The following AQP7B variants were observed in gnomAD, a reference collection of about 807,000 sequenced individuals.
The protein encoded by AQP7B is aquaporin 7B, also known as putative aquaporin-7B.
chr2:94,604,346 G>T, the AQP7B span: 2 of 1,611,148 alleles, frequency 1.2e-6, no homozygotes, highest in African/African-American at 1.3e-5. Flanking sequence ...TGCCTCTCTA[G>T]GTGGCATCAT....
the AQP7B span, among the ~76,000 whole-genome samples, chr2:94,592,411 A>G: frequency 6.6e-6 from 1 of 152,210 alleles, no homozygotes; most frequent in Non-Finnish European, 1.5e-5. Flanking sequence ...CCAGAGAAAC[A>G]AAACCAGGGA....
chr2:94,603,341 T>C, the AQP7B span: 1 of 1,567,630 alleles, frequency 6.4e-7, no homozygotes, highest in African/African-American at 1.3e-5. Context: ...CCAGTGGGGC[T>C]TAGTTGGGGG....
the AQP7B span, among the ~76,000 whole-genome samples, chr2:94,588,949 C>T: frequency 6.6e-6 from 1 of 151,952 alleles, no homozygotes; most frequent in African/African-American, 2.4e-5. Context: ...TCTCCCTCCT[C>T]CAGCCACACT....
chr2:94,591,169 G>C, the AQP7B span, among the ~76,000 whole-genome samples: 1 of 151,838 alleles, frequency 6.6e-6, no homozygotes, highest in Non-Finnish European at 1.5e-5. Context: ...GTGATTTGCT[G>C]TCCTCCAAAT....
chr2:94,591,117 C>A, the AQP7B span, among the ~76,000 whole-genome samples: 1 of 151,962 alleles, frequency 6.6e-6, no homozygotes, highest in Non-Finnish European at 1.5e-5. Flanking sequence ...GTACCCTCTC[C>A]TTGAGCTCTC....
At chr2:94,603,331 C>T in the AQP7B span, 2 of 1,548,264 alleles carry the variant, frequency 1.3e-6, no homozygotes, top group East Asian at 4.5e-5. Context: ...TTCTGGGACC[C>T]CAGTGGGGCT....
the AQP7B span, among the ~76,000 whole-genome samples, chr2:94,589,320 T>C: frequency 6.6e-6 from 1 of 152,038 alleles, no homozygotes; most frequent in Admixed American, 6.6e-5. Context: ...CACACTGACT[T>C]TCTTTGCTTT....
At chr2:94,589,925 A>G in the AQP7B span, among the ~76,000 whole-genome samples, 1 of 151,824 alleles carries the variant, frequency 6.6e-6, no homozygotes. Flanking sequence ...AAATATCTAG[A>G]ATGTGCACAG....
the AQP7B span, among the ~76,000 whole-genome samples, chr2:94,588,810 C>A: frequency 1.3e-5 from 2 of 151,320 alleles, no homozygotes; most frequent in African/African-American, 4.9e-5. Flanking sequence ...AACTCAACTG[C>A]ACTCAGCACC....
chr2:94,594,692 G>A, the AQP7B span: 12 of 1,254,106 alleles, frequency 9.6e-6, no homozygotes, highest in Non-Finnish European at 1.3e-5. Context: ...CCGATGGGCA[G>A]CAGGCAAACT....
chr2:94,589,494 C>A, the AQP7B span, among the ~76,000 whole-genome samples: 1 of 152,100 alleles, frequency 6.6e-6, no homozygotes. Flanking sequence ...CATCTCCAGC[C>A]CCTGCACTCC....
chr2:94,594,981 T>A, the AQP7B span: 1 of 628,882 alleles, frequency 1.6e-6, no homozygotes, highest in Non-Finnish European at 2.7e-6. Context: ...GCCTCTGAGC[T>A]GGGAGCCTGG....
chr2:94,604,377 C>T, the AQP7B span: 3 of 1,611,548 alleles, frequency 1.9e-6, no homozygotes, highest in Non-Finnish European at 2.5e-6. Context: ...TTCATTGGCT[C>T]CACCATCCCA....
the AQP7B span, chr2:94,603,734 A>G: frequency 3.3e-6 from 5 of 1,511,588 alleles, no homozygotes; most frequent in Admixed American, 1.9e-5. Flanking sequence ...AGGATGCTCC[A>G]GCTGTGTCTC....
the AQP7B span, among the ~76,000 whole-genome samples, chr2:94,602,273 C>A: frequency 2.0e-5 from 3 of 151,860 alleles, no homozygotes; most frequent in African/African-American, 7.3e-5. Context: ...CTGCTCCACC[C>A]GGCTCTCAGT....
the AQP7B span, among the ~76,000 whole-genome samples, chr2:94,590,536 T>G: frequency 6.6e-6 from 1 of 152,122 alleles, no homozygotes; most frequent in Non-Finnish European, 1.5e-5. Flanking sequence ...GTTGAATTGT[T>G]GGCTCGTGGT....
chr2:94,590,080 G>A, the AQP7B span, among the ~76,000 whole-genome samples: 13 of 152,180 alleles, frequency 8.5e-5, no homozygotes, highest in Middle Eastern at 3.2e-3. Flanking sequence ...CTCTGGTGGT[G>A]TTGCCATTAC....
chr2:94,587,795 C>T, the AQP7B span, among the ~76,000 whole-genome samples: 15 of 152,034 alleles, frequency 9.9e-5, no homozygotes, highest in African/African-American at 7.2e-5. Flanking sequence ...GGTCAGCTGC[C>T]GGCTTGCTGG....
the AQP7B span, among the ~76,000 whole-genome samples, chr2:94,593,567 C>A: frequency 6.7e-6 from 1 of 149,116 alleles, no homozygotes; most frequent in Non-Finnish European, 1.5e-5. Context: ...CTCACTGCAA[C>A]CTCCATCTCC....
Sources: allele counts gnomAD v4.1 joint callset (sites outside exome capture counted in the v4.1 genomes callset), GRCh38; gene constraint gnomAD v4.1.1; transcripts MANE v1.5; gene names NCBI Gene and HGNC (gene_info 2026-07-23, HGNC 2026-07-21).